Variants in TGDS observed in about 807,000 individuals in gnomAD.
TGDS encodes the protein UDP-D-glucose 4,6-dehydratase.
A neutral mutation model predicts 52.3 loss-of-function variants in TGDS; 47 were observed. The ratio of observed to expected loss-of-function variants is 0.90; its 90% CI spans 0.71 to 1.15. TGDS has a LOEUF of 1.15. Among genes scored for constraint, TGDS ranks in the 50% most tolerant of loss-of-function variants. The pLI is 0.00. For missense variants in TGDS, 375 were observed against 418.4 expected (o/e 0.90, Z 0.90); for synonymous variants, 115 against 136.9 (o/e 0.84, Z 1.12).
chr13:94,596,183 A>T, upstream of TGDS: 1 of 1,578,602 alleles, frequency 6.3e-7, no homozygotes, highest in Non-Finnish European at 8.6e-7. Flanking sequence ...TGGTCTGAAA[A>T]GCGCAGGGAA....
At chr13:94,592,435 T>C in intron 2 of TGDS, 126 bp from the exon 3 acceptor site, 1 of 712,306 alleles carries the variant, frequency 1.4e-6, no homozygotes, top group Non-Finnish European at 2.2e-6. Flanking sequence ...CCTCTTAAAG[T>C]GTGTTTGCTC....
At chr13:94,577,578 CT>C in intron 9 of TGDS, 149 bp from the exon 10 acceptor site, 1 of 599,666 alleles carries the variant, frequency 1.7e-6, no homozygotes, top group Non-Finnish European at 2.8e-6. Context: ...ACTTTCTATA[CT>C]TTATAACCTA....
In TGDS at chr13:94,574,566, A is replaced by G. The variant is rs1464334689; in HGVS notation, c.*216T>C. 4 of 488,080 alleles carry G rather than the reference A, an allele frequency of 8.2e-6. No individual in the cohort carries two copies. The highest frequency in any genetic ancestry group is 8.0e-5 in the African/African-American group (4 of 49,958). The allele number at this position is 488,080 out of a possible 1,614,324, so 30.2% of individuals were successfully genotyped here. On this transcript the variant is annotated 3_prime_UTR_variant, in exon 12 of 12. Coordinates refer to ENST00000261296, the MANE Select transcript of TGDS (RefSeq NM_014305.4). ...CCTATTATTTCCTAGTTTCTAGGAG[A>G]AAGGGTTTCAGAAAGAATTTTGACA...
At position 94,593,902 on chromosome 13, in the gene TGDS, G is replaced by A. The variant is rs1263619932; in HGVS notation, c.92C>T (p.Ser31Leu). ...LVTGGAGFIA[S>L]HMIVSLVEDY... ...TTCCACTAAAGAGACAATCATATGT[G>A]ATGCACTATGGAAAAAAAGTATATC... The change falls in exon 2 of 12, where the codon TCA becomes TTA. Residue 31 changes from serine to leucine, a missense_variant. By Grantham distance (145) the Ser-to-Leu change is moderately radical. Transcript: ENST00000261296. 6.4e-7 allele frequency: 1 copy of A among 1,560,618 alleles called. No individual in the cohort carries two copies. The highest frequency in any genetic ancestry group is 1.2e-5 in the South Asian group (1 of 83,468).
rs866629884 is a variant in TGDS, at chr13:94,577,576, T to C, written c.826-147A>G. On this transcript the variant is annotated intron_variant, in intron 9 of 11. Transcript: ENST00000261296. The stretch of plus-strand genomic sequence containing the variant: ...AACATCATTTTAGTAACACTTTCTA[T>C]ACTTTATAACCTAAATTCCATCTGA... 4.9e-5 allele frequency: 30 copies of C among 613,196 alleles called. No individual in the cohort carries two copies. The African/African-American group carries it at 5.5e-4, about 11-fold the overall frequency. 38.0% of individuals were successfully genotyped at this position (613,196 alleles called of 1,614,324 possible).
At chr13:94,590,167 TTA>T (rs1205745381) in intron 4 of TGDS, among the ~76,000 whole-genome samples, 7 of 147,432 alleles carry the variant, frequency 4.7e-5, no homozygotes, top group Admixed American at 6.8e-5. Context: ...CTACATATCA[TTA>T]TATATATATA....
chr13:94,582,289 A>G (rs1192826424), intron 5 of TGDS, among the ~76,000 whole-genome samples: 1 of 152,210 alleles, frequency 6.6e-6, no homozygotes, highest in Non-Finnish European at 1.5e-5. Flanking sequence ...AAAGGGAAAG[A>G]TGAACAGGTA....
At chr13:94,594,081 C>T (rs1463152839) in intron 1 of TGDS, among the ~76,000 whole-genome samples, 174 bp from the exon 2 acceptor site, 1 of 152,148 alleles carries the variant, frequency 6.6e-6, no homozygotes, top group Non-Finnish European at 1.5e-5. Context: ...TTTTACCAAA[C>T]TTCTCAACAG....
At position 94,576,305 on chromosome 13, in the gene TGDS, A is replaced by G; in HGVS notation, c.982+9T>C. 1.9e-6 allele frequency: 3 copies of G among 1,577,280 alleles called. No homozygotes were observed. Among genetic ancestry groups the G allele is most frequent in the Non-Finnish European group, 2.6e-6 (3 of 1,163,706 alleles). On this transcript the variant is annotated intron_variant, in intron 11 of 11. Transcript: ENST00000261296. ...GACTTGCCCCCAAAATGATTAATTC[A>G]AAACATACTTGTTTTCTTTATTCCT...
chr13:94,578,113 TACA>T lies in TGDS; in HGVS notation c.714_716del (p.Val239del). 6.2e-7 allele frequency: 1 copy of T among 1,613,862 alleles called. No individual in the cohort carries two copies. Among genetic ancestry groups the T allele is most frequent in the South Asian group, 1.1e-5 (1 of 91,072 alleles). On this transcript the variant is annotated inframe_deletion, in exon 9 of 12. Coordinates refer to ENST00000261296, the MANE Select transcript of TGDS (RefSeq NM_014305.4). ...TTTTGAGGACAGTGAGAAATGCTTC[TACA>T]ACATCAGTAGCATAAAGGAAGTTTC...
At chr13:94,576,732 TAGA>T (rs1191475552) in intron 10 of TGDS, among the ~76,000 whole-genome samples, 1 of 152,152 alleles carries the variant, frequency 6.6e-6, no homozygotes, top group Non-Finnish European at 1.5e-5. Context: ...AAAAACTTAT[TAGA>T]ACTCATATGC....
Position 94,593,926 on chromosome 13 carries a change from T to C in TGDS, c.87-19A>G. 3 of 1,496,094 alleles carry C rather than the reference T, an allele frequency of 2.0e-6. No homozygotes were observed. The highest frequency in any genetic ancestry group is 1.2e-5 in the South Asian group (1 of 80,164). The allele number at this position is 1,496,094 out of a possible 1,614,324, so 92.7% of individuals were successfully genotyped here. Reference sequence around the variant, plus strand: ...TGATGCACTATGGAAAAAAAGTATATCTTGTTAGTGAAAAACTTTAACTTC... The same window carrying C: ...TGATGCACTATGGAAAAAAAGTATACCTTGTTAGTGAAAAACTTTAACTTC... On this transcript the variant is annotated intron_variant, in intron 1 of 11. Coordinates refer to ENST00000261296, the MANE Select transcript of TGDS (RefSeq NM_014305.4).
intron 4 of TGDS, among the ~76,000 whole-genome samples, chr13:94,588,131 C>A (rs548013151): frequency 6.7e-6 from 1 of 148,382 alleles, no homozygotes; most frequent in Non-Finnish European, 1.5e-5. Flanking sequence ...AAAGGCTGGG[C>A]GTGGTGGCTC....
chr13:94,594,288 C>T (rs1398795338), intron 1 of TGDS, among the ~76,000 whole-genome samples: 3 of 152,150 alleles, frequency 2.0e-5, no homozygotes, highest in African/African-American at 7.2e-5. Context: ...TCAGGAACTG[C>T]AGATATAAGT....
intron 4 of TGDS, among the ~76,000 whole-genome samples, chr13:94,590,031 TACTAC>T (rs1387150332): frequency 1.9e-4 from 3 of 15,402 alleles, no homozygotes; most frequent in African/African-American, 1.4e-3. Flanking sequence ...TTAAGTAAAC[TACTAC>T]AGTGTATGTG....
chr13:94,580,652 T>C (rs1888755635), intron 6 of TGDS, among the ~76,000 whole-genome samples: 1 of 152,154 alleles, frequency 6.6e-6, no homozygotes, highest in African/African-American at 2.4e-5. Context: ...TCACTCTGAC[T>C]ATAGCTGTAA....
At chr13:94,589,015 T>C (rs1889098850) in intron 4 of TGDS, among the ~76,000 whole-genome samples, 1 of 152,188 alleles carries the variant, frequency 6.6e-6, no homozygotes, top group Non-Finnish European at 1.5e-5. Flanking sequence ...GACAAAATTA[T>C]AAAGCTTTGA....
chr13:94,592,685 A>T (rs1889247028), intron 2 of TGDS, among the ~76,000 whole-genome samples: 1 of 151,908 alleles, frequency 6.6e-6, no homozygotes, highest in African/African-American at 2.4e-5. Context: ...TGACCTCCTG[A>T]CCTTGTGATC....
At chr13:94,588,572 C>T (rs771232209) in intron 4 of TGDS, among the ~76,000 whole-genome samples, 17 of 151,374 alleles carry the variant, frequency 1.1e-4, no homozygotes, top group African/African-American at 3.6e-4. Context: ...GAAATGGTCA[C>T]GAAACTTAAA....
Sources: allele counts gnomAD v4.1 joint callset (sites outside exome capture counted in the v4.1 genomes callset), GRCh38; gene constraint gnomAD v4.1.1; transcripts MANE v1.5; gene names NCBI Gene and HGNC (gene_info 2026-07-23, HGNC 2026-07-21).